PDE7A: variants seen among roughly 807,000 people sequenced by gnomAD.
PDE7A encodes the protein high affinity 3',5'-cyclic-AMP phosphodiesterase 7A.
A neutral mutation model predicts 64.3 loss-of-function variants in PDE7A; 39 were observed. The observed-to-expected ratio is 0.61, with a 90% CI of 0.47 to 0.79. The LOEUF (loss-of-function observed/expected upper bound fraction) is 0.79, where lower values mean the gene tolerates loss of function less well. Among genes scored for constraint, PDE7A ranks in the 30% least tolerant of loss-of-function variants. The pLI, the probability that PDE7A is intolerant of heterozygous loss-of-function variation, is 0.00. For missense variants in PDE7A, 470 were observed against 582.8 expected (o/e 0.81, Z 1.99); for synonymous variants, 203 against 206.8 (o/e 0.98, Z 0.16).
chr8:65,782,454 A>C (rs1809444581), intron 2 of PDE7A, among the ~76,000 whole-genome samples: 1 of 152,212 alleles, frequency 6.6e-6, no homozygotes, highest in African/African-American at 2.4e-5. Flanking sequence ...ACCTTTGTCC[A>C]TGCTGGCATT....
At chr8:65,794,378 T>C (rs978112617) in intron 1 of PDE7A, among the ~76,000 whole-genome samples, 1 of 151,406 alleles carries the variant, frequency 6.6e-6, no homozygotes, top group African/African-American at 2.4e-5. Flanking sequence ...GTGGTTACAG[T>C]GTTTATCTTG....
chr8:65,836,697 GC>G (rs1810959702), intron 1 of PDE7A, among the ~76,000 whole-genome samples: 2 of 152,152 alleles, frequency 1.3e-5, no homozygotes, highest in South Asian at 4.1e-4. Context: ...CAATACCTCT[GC>G]TCTGCCAATT....
At chr8:65,769,141 G>A (rs1357215296) in intron 3 of PDE7A, among the ~76,000 whole-genome samples, 3 of 151,596 alleles carry the variant, frequency 2.0e-5, no homozygotes, top group Non-Finnish European at 2.9e-5. Context: ...CCAGCTACTT[G>A]GGAGGCTGAG....
rs758503841 is a variant in PDE7A at position 65,723,620 on chromosome 8, T to G, written c.1164A>C (p.Gly388=). 2 of 1,544,516 alleles carry G rather than the reference T, an allele frequency of 1.3e-6. No homozygotes were observed. Among genetic ancestry groups the G allele is most frequent in the African/African-American group, 2.8e-5 (2 of 70,970 alleles). ...CCAAATGATATTTTTTTTCTATATCTCCTATAAATTAAAAAAAGAGAAGTA... is the reference window on the plus strand; with the variant it reads ...CCAAATGATATTTTTTTTCTATATCGCCTATAAATTAAAAAAAGAGAAGTA... ...EKVTEEFFHQ[G]DIEKKYHLGV... is the part of the protein sequence containing the mutation. Residue 388 remains glycine, a splice_region_variant and synonymous_variant, in exon 12 of 13, where the codon GGA becomes GGC. Coordinates refer to ENST00000401827, the MANE Select transcript of PDE7A (RefSeq NM_001242318.3).
chr8:65,836,913 C>A (rs1033787389), intron 1 of PDE7A, among the ~76,000 whole-genome samples: 19 of 152,174 alleles, frequency 1.2e-4, no homozygotes, highest in African/African-American at 3.9e-4. Flanking sequence ...CCTTCCTCCT[C>A]CCCCTACATT....
At chr8:65,765,972 G>T in intron 3 of PDE7A, among the ~76,000 whole-genome samples, 1 of 152,156 alleles carries the variant, frequency 6.6e-6, no homozygotes, top group Non-Finnish European at 1.5e-5. Context: ...TTGAGATGGA[G>T]TGTCACTCTG....
At chr8:65,731,942 T>C (rs918711311) in intron 7 of PDE7A, among the ~76,000 whole-genome samples, 9 of 152,124 alleles carry the variant, frequency 5.9e-5, no homozygotes, top group African/African-American at 2.2e-4. Context: ...TGTAAAACTC[T>C]TGCCATCCAC....
intron 1 of PDE7A, among the ~76,000 whole-genome samples, chr8:65,800,225 A>T (rs1014746565): frequency 1.3e-5 from 2 of 152,216 alleles, no homozygotes; most frequent in African/African-American, 4.8e-5. Flanking sequence ...ACTAAACTTT[A>T]TAACTGCTTT....
chr8:65,748,564 A>G (rs1024977755), intron 3 of PDE7A, among the ~76,000 whole-genome samples: 16 of 152,222 alleles, frequency 1.1e-4, no homozygotes, highest in Admixed American at 3.9e-4. Context: ...AACATACGTT[A>G]TCTTTAGATT....
chr8:65,749,698 T>C (rs1400326119), intron 3 of PDE7A, among the ~76,000 whole-genome samples: 1 of 152,228 alleles, frequency 6.6e-6, no homozygotes, highest in Non-Finnish European at 1.5e-5. Flanking sequence ...ATGAGAACAC[T>C]GTGCCTACAA....
intron 1 of PDE7A, among the ~76,000 whole-genome samples, chr8:65,784,090 T>G (rs1402982647): frequency 6.6e-6 from 1 of 151,996 alleles, no homozygotes; most frequent in Non-Finnish European, 1.5e-5. Context: ...ACACCTGTAA[T>G]CCCAGATACT....
chr8:65,789,082 T>G (rs1809634392), intron 1 of PDE7A: 1 of 1,399,062 alleles, frequency 7.1e-7, no homozygotes. Flanking sequence ...GCAGCTGCCT[T>G]CCAACAGTGA....
Position 65,824,005 on chromosome 8 carries a change from C to A in PDE7A, c.138+17366G>T, listed in dbSNP as rs552215501. 8.5e-5 allele frequency among the ~76,000 whole-genome samples: 13 copies of A among 152,130 alleles called. No individual in the cohort carries two copies. The South Asian group carries it at 2.7e-3, about 31-fold the overall frequency. ...ACTAAGTTGACAACAAAAACAAGAGCCAATAGAAACAACTCACAGAAGATA... is the reference window on the plus strand; with the variant it reads ...ACTAAGTTGACAACAAAAACAAGAGACAATAGAAACAACTCACAGAAGATA... On this transcript the variant is annotated intron_variant, in intron 1 of 12. Transcript: ENST00000401827.
intron 3 of PDE7A, among the ~76,000 whole-genome samples, chr8:65,774,552 A>G (rs1043719724): frequency 6.6e-6 from 1 of 152,008 alleles, no homozygotes; most frequent in Non-Finnish European, 1.5e-5. Flanking sequence ...CAACCCAAAT[A>G]ACTTTAACTT....
Position 65,782,848 on chromosome 8 carries a change from A to G in PDE7A, c.139-5T>C. 2 of 1,489,424 alleles carry G rather than the reference A, an allele frequency of 1.3e-6. No homozygotes were observed. Among genetic ancestry groups the G allele is most frequent in the Non-Finnish European group, 9.3e-7 (1 of 1,075,602 alleles). 92.3% of individuals were successfully genotyped at this position (1,489,424 alleles called of 1,614,324 possible). A position where few individuals can be genotyped will look rare whatever the true frequency, so the allele number is the denominator to read the frequency against. On this transcript the variant is annotated splice_polypyrimidine_tract_variant and splice_region_variant and intron_variant, in intron 1 of 12. Coordinates refer to ENST00000401827, the MANE Select transcript of PDE7A (RefSeq NM_001242318.3). ...ATAGGAAATAGCTCCACGCCTCTAG[A>G]AAAAAAAATACACATTATAATACAT...
In PDE7A at chr8:65,716,091, G is replaced by T. The variant is rs1290964213; in HGVS notation, c.*3199C>A. 6.7e-6 allele frequency among the ~76,000 whole-genome samples: 1 copy of T among 148,274 alleles called. No homozygotes were observed. Among genetic ancestry groups the T allele is most frequent in the Admixed American group, 6.7e-5 (1 of 14,832 alleles). On this transcript the variant is annotated 3_prime_UTR_variant, in exon 13 of 13. Coordinates refer to ENST00000401827, the MANE Select transcript of PDE7A (RefSeq NM_001242318.3). ...GAGGATTGCTTGAGCCTAGGAGGTGGAGGCTGCAGTGATCATGCCACTGCA... is the reference window on the plus strand; with the variant it reads ...GAGGATTGCTTGAGCCTAGGAGGTGTAGGCTGCAGTGATCATGCCACTGCA...
At chr8:65,839,820 T>G (rs1811034076) in intron 1 of PDE7A, among the ~76,000 whole-genome samples, 1 of 152,218 alleles carries the variant, frequency 6.6e-6, no homozygotes, top group African/African-American at 2.4e-5. Context: ...GGCATCAGCC[T>G]CATTTTAATC....
At chr8:65,791,185 T>G (rs1809692681) in intron 1 of PDE7A, among the ~76,000 whole-genome samples, 1 of 152,262 alleles carries the variant, frequency 6.6e-6, no homozygotes, top group Non-Finnish European at 1.5e-5. Context: ...AAGGCAGTTC[T>G]AAAAGTTGTC....
intron 3 of PDE7A, among the ~76,000 whole-genome samples, chr8:65,761,064 CTTTTTTT>C (rs748642226): frequency 7.0e-6 from 1 of 143,100 alleles, no homozygotes; most frequent in Middle Eastern, 3.4e-3. Flanking sequence ...ATTGTTTTTT[CTTTTTTT>C]TTTTTTTAGA....
Sources: gnomAD v4.1 joint callset for allele counts (sites outside exome capture counted in the v4.1 genomes callset) on GRCh38, gnomAD v4.1.1 for gene constraint, MANE v1.5 for transcripts, NCBI Gene and HGNC (gene_info 2026-07-23, HGNC 2026-07-21) for gene names.